Variants in MYRFL observed in about 807,000 individuals in gnomAD.
The protein encoded by MYRFL is myelin regulatory factor-like protein.
A neutral mutation model predicts 109.4 loss-of-function variants in MYRFL; 88 were observed. The observed-to-expected ratio is 0.80, with a 90% CI of 0.68 to 0.96. The LOEUF (loss-of-function observed/expected upper bound fraction) is 0.96, where lower values mean the gene tolerates loss of function less well. Ranked by LOEUF, MYRFL falls within the 40% of genes least tolerant of loss-of-function variation. The pLI is 0.00. For missense variants in MYRFL, 957 were observed against 954.9 expected (o/e 1.00, Z -0.03); for synonymous variants, 324 against 320.9 (o/e 1.01, Z -0.10).
chr12:69,949,575 C>A (rs922329501), intron 19 of MYRFL, among the ~76,000 whole-genome samples: 1 of 152,062 alleles, frequency 6.6e-6, no homozygotes, highest in Non-Finnish European at 1.5e-5. Flanking sequence ...CGGCCACATG[C>A]GGCCCAGGAC....
At chr12:69,952,616 C>G (rs937389000) in intron 20 of MYRFL, among the ~76,000 whole-genome samples, 183 bp from the exon 21 acceptor site, 1 of 152,006 alleles carries the variant, frequency 6.6e-6, no homozygotes, top group Non-Finnish European at 1.5e-5. Flanking sequence ...GTACTATAAC[C>G]CCCCAAAAAG....
intron 2 of MYRFL, among the ~76,000 whole-genome samples, chr12:69,868,680 T>G (rs1271144211): frequency 6.6e-6 from 1 of 152,224 alleles, no homozygotes; most frequent in African/African-American, 2.4e-5. Context: ...ATGGTTTTCT[T>G]GGGCAACCAT....
rs1336877403 is a variant in MYRFL, at chr12:69,958,519, A to G, written c.2721A>G (p.Arg907=). Residue 907 remains arginine, a synonymous_variant, in exon 25 of 25, where the codon CGA becomes CGG. Coordinates refer to ENST00000552032, the MANE Select transcript of MYRFL (RefSeq NM_182530.3). ...CCGATTACTTCTTTTACTTCTATCG[A>G]CGCTGTGCCTAATTTGTTCAAGTTT... ...FFTDYFFYFY[R]RCA 6 of 1,534,464 alleles carry G rather than the reference A, an allele frequency of 3.9e-6. No individual in the cohort carries two copies. The highest frequency in any genetic ancestry group is 1.7e-4 in the Middle Eastern group (1 of 5,880).
intron 13 of MYRFL, among the ~76,000 whole-genome samples, chr12:69,919,383 G>A (rs1152970): frequency 0.49 from 74,326 of 152,106 alleles, 19,739 homozygotes; most frequent in East Asian, 0.85. Flanking sequence ...GGATTCTAAG[G>A]CAAACAAAGG....
At chr12:69,919,834 T>C (rs1009766668) in intron 13 of MYRFL, among the ~76,000 whole-genome samples, 3 of 152,210 alleles carry the variant, frequency 2.0e-5, no homozygotes, top group African/African-American at 7.2e-5. Flanking sequence ...ATGCATCATT[T>C]ACCATAAGGA....
intron 13 of MYRFL, among the ~76,000 whole-genome samples, chr12:69,915,422 A>G (rs1177096538): frequency 6.6e-6 from 1 of 152,200 alleles, no homozygotes; most frequent in Non-Finnish European, 1.5e-5. Context: ...ACACTTAGGA[A>G]AATGTTGAAA....
intron 22 of MYRFL, among the ~76,000 whole-genome samples, chr12:69,957,239 A>G (rs570852912): frequency 5.9e-5 from 9 of 152,134 alleles, no homozygotes; most frequent in Non-Finnish European, 1.2e-4. Context: ...CCAAACTCCT[A>G]CCTGTATTTA....
intron 2 of MYRFL, among the ~76,000 whole-genome samples, chr12:69,877,149 G>A (rs1156921504): frequency 2.7e-5 from 4 of 150,882 alleles, no homozygotes; most frequent in Non-Finnish European, 5.9e-5. Flanking sequence ...TCAGCCTCCC[G>A]AGTAGCTGGG....
At chr12:69,932,889 G>A (rs200382365) in intron 16 of MYRFL, among the ~76,000 whole-genome samples, 4 of 135,646 alleles carry the variant, frequency 2.9e-5, no homozygotes, top group Admixed American at 7.9e-5. Context: ...GTGTTTGTGT[G>A]TGTGTGTGTG....
chr12:69,936,106 T>G lies in MYRFL; in HGVS notation c.1917-7T>G. On this transcript the variant is annotated splice_polypyrimidine_tract_variant and splice_region_variant and intron_variant, in intron 16 of 24. Transcript: ENST00000552032. ...TTTTTTTTTTTTTTTTTTTTTTTTT[T>G]TGACAGTGCTTTGACGATAGTTGCC... The G allele has an allele frequency of 9.5e-7, 1 of 1,049,540 alleles. No homozygotes were observed. The highest frequency in any genetic ancestry group is 1.3e-6 in the Non-Finnish European group (1 of 764,624). The allele number at this position is 1,049,540 out of a possible 1,614,324, so 65.0% of individuals were successfully genotyped here.
intron 11 of MYRFL, among the ~76,000 whole-genome samples, chr12:69,904,652 G>T (rs1028694764): frequency 3.3e-5 from 5 of 152,136 alleles, no homozygotes; most frequent in African/African-American, 1.2e-4. Context: ...AGACCATAAG[G>T]ATGAGGATTA....
chr12:69,945,819 C>G (rs1337855259), intron 19 of MYRFL, among the ~76,000 whole-genome samples: 1 of 149,898 alleles, frequency 6.7e-6, no homozygotes, highest in Admixed American at 6.7e-5. Flanking sequence ...AACCCCGTCT[C>G]TACTAAAAAT....
intron 11 of MYRFL, among the ~76,000 whole-genome samples, chr12:69,909,563 TCTG>T (rs912557492): frequency 1.3e-5 from 2 of 152,190 alleles, no homozygotes; most frequent in African/African-American, 4.8e-5. Context: ...AAAAAAAAAT[TCTG>T]CTATTACTAT....
In MYRFL at chr12:69,897,193, C is replaced by T. The variant is rs1954023896; in HGVS notation, c.1129C>T (p.Gln377Ter). The T allele has an allele frequency of 6.5e-7, 1 of 1,535,698 alleles. No homozygotes were observed. Among genetic ancestry groups the T allele is most frequent in the Non-Finnish European group, 8.7e-7 (1 of 1,146,688 alleles). Residue 377 changes from glutamine to a stop codon, truncating the protein, a stop_gained, in exon 10 of 25, where the codon CAA becomes TAA. Coordinates refer to ENST00000552032, the MANE Select transcript of MYRFL (RefSeq NM_182530.3). LOFTEE classifies it high-confidence loss of function. ...GGTGGTTGGACTGTATGCTGCTAAC[C>T]AAGACCAGTTCTATCTGTTGTCTGC... is the stretch of plus-strand genomic sequence containing the variant. ...MLVVGLYAAN[Q>*]DQFYLLSAHI... is the part of the protein sequence containing the mutation.
chr12:69,881,236 T>C (rs1405866267), intron 5 of MYRFL, among the ~76,000 whole-genome samples: 2 of 152,080 alleles, frequency 1.3e-5, no homozygotes, highest in African/African-American at 2.4e-5. Flanking sequence ...TCCCAAAGTC[T>C]TTGGATTGCA....
intron 19 of MYRFL, among the ~76,000 whole-genome samples, chr12:69,941,763 A>C (rs1198976315): frequency 6.6e-6 from 1 of 150,714 alleles, no homozygotes; most frequent in African/African-American, 2.5e-5. Context: ...TTTTGAAAGG[A>C]TCAACAAAAT....
At chr12:69,900,804 C>A (rs1232267130) in intron 10 of MYRFL, among the ~76,000 whole-genome samples, 4 of 152,144 alleles carry the variant, frequency 2.6e-5, no homozygotes, top group African/African-American at 7.2e-5. Context: ...CAATAACCTG[C>A]AGGGGGCGCC....
chr12:69,854,189 A>G (rs1468987957), intron 1 of MYRFL, among the ~76,000 whole-genome samples: 1 of 152,152 alleles, frequency 6.6e-6, no homozygotes, highest in Non-Finnish European at 1.5e-5. Flanking sequence ...ACCAAAAAAT[A>G]CAAAAACCAG....
intron 1 of MYRFL, among the ~76,000 whole-genome samples, chr12:69,836,482 A>G (rs1278492131): frequency 2.0e-5 from 3 of 152,192 alleles, no homozygotes; most frequent in Non-Finnish European, 4.4e-5. Flanking sequence ...ACAAATGATT[A>G]TAATTCCACA....
Sources: gnomAD v4.1 joint callset for allele counts (sites outside exome capture counted in the v4.1 genomes callset) on GRCh38, gnomAD v4.1.1 for gene constraint, MANE v1.5 for transcripts, NCBI Gene and HGNC (gene_info 2026-07-23, HGNC 2026-07-21) for gene names.